GRM7: variants seen among roughly 807,000 people sequenced by gnomAD.
The protein encoded by GRM7 is glutamate metabotropic receptor 7, also known as metabotropic glutamate receptor 7.
Under a neutral mutation model 84.5 loss-of-function variants are expected in GRM7, and 35 were observed. The ratio of observed to expected loss-of-function variants is 0.41; its 90% confidence interval spans 0.32 to 0.55. GRM7 has a LOEUF of 0.55. GRM7 is among the 20% of genes least tolerant of loss of function. GRM7 has a pLI of 0.19. For missense variants in GRM7, 1,003 were observed against 1,194.6 expected, an observed-to-expected ratio of 0.84 and a Z score of 2.36; for synonymous variants, 487 against 455.1, an observed-to-expected ratio of 1.07 and a Z score of -0.89.
At chr3:6,926,908 A>G (rs541306526) in intron 1 of GRM7, among the ~76,000 whole-genome samples, 1 of 152,332 alleles carries the variant, frequency 6.6e-6, no homozygotes, top group South Asian at 2.1e-4. Context: ...ATTTATTATA[A>G]TGAAATTCTA....
Position 7,320,681 on chromosome 3 carries a change from A to AGTGTATGTGTGTGT in GRM7, c.1033+14033_1033+14034insATGTGTGTGTGTGT, listed in dbSNP as rs367833809. On this transcript the variant is annotated intron_variant, in intron 4 of 9. Transcript: ENST00000357716. ...TCCTGAACACCATCAGTGGGTGATC[A>AGTGTATGTGTGTGT]GTGTGTGTGTGTGTGTGTGTGTGTG... is the stretch of plus-strand genomic sequence containing the variant. Among the ~76,000 whole-genome samples, 1,264 of 141,236 alleles carry AGTGTATGTGTGTGT rather than the reference A, an allele frequency of 8.9e-3. 30 individuals are homozygous for AGTGTATGTGTGTGT. Among genetic ancestry groups the AGTGTATGTGTGTGT allele is most frequent in the African/African-American group, 0.03 (1,142 of 38,320 alleles). 92.7% of individuals were successfully genotyped at this position (141,236 alleles called of 152,430 possible).
intron 2 of GRM7, among the ~76,000 whole-genome samples, chr3:7,190,832 T>C (rs1695687046): frequency 6.6e-6 from 1 of 152,096 alleles, no homozygotes; most frequent in Non-Finnish European, 1.5e-5. Context: ...CTCTTGGCAC[T>C]CTCTAGCCAG....
Position 7,356,920 on chromosome 3 carries a change from T to TCACACACACACACACA in GRM7, c.1033+50297_1033+50312dup, listed in dbSNP as rs34481316. On this transcript the variant is annotated intron_variant, in intron 4 of 9. Coordinates refer to ENST00000357716, the MANE Select transcript of GRM7 (RefSeq NM_000844.4). Reference sequence around the variant, plus strand: ...CTATCATGGAACTTTGCCTTTTTGATCACACACACACACACACACACACAC... The same window carrying TCACACACACACACACA: ...CTATCATGGAACTTTGCCTTTTTGATCACACACACACACACACACACACACACACACACACACACAC... Among the ~76,000 whole-genome samples, 174 of 131,280 alleles carry TCACACACACACACACA rather than the reference T, an allele frequency of 1.3e-3. 1 individual carries two copies. Among genetic ancestry groups the TCACACACACACACACA allele is most frequent in the Middle Eastern group, 4.0e-3 (1 of 250 alleles). The allele number at this position is 131,280 out of a possible 152,430, so 86.1% of individuals were successfully genotyped here.
chr3:7,000,704 T>C (rs1694984302), intron 1 of GRM7, among the ~76,000 whole-genome samples: 1 of 152,228 alleles, frequency 6.6e-6, no homozygotes, highest in Non-Finnish European at 1.5e-5. Flanking sequence ...TGATGCACTT[T>C]GGCATTTCTT....
intron 1 of GRM7, among the ~76,000 whole-genome samples, chr3:6,915,157 G>A (rs755515283): frequency 6.6e-6 from 1 of 150,492 alleles, no homozygotes; most frequent in African/African-American, 2.5e-5. Context: ...GTAATAAAGA[G>A]TCACGCTTTT....
chr3:6,874,545 C>T (rs562452370), intron 1 of GRM7, among the ~76,000 whole-genome samples: 88 of 152,254 alleles, frequency 5.8e-4, no homozygotes, highest in African/African-American at 2.0e-3. Flanking sequence ...TTCTCCCACT[C>T]GGGTAGGAAA....
chr3:7,281,277 T>C (rs1429674789), intron 2 of GRM7, among the ~76,000 whole-genome samples: 1 of 152,178 alleles, frequency 6.6e-6, no homozygotes, highest in Non-Finnish European at 1.5e-5. Context: ...TATGTAAATC[T>C]ATTTTTTTTG....
intron 4 of GRM7, among the ~76,000 whole-genome samples, chr3:7,365,078 C>G (rs981333346): frequency 3.3e-5 from 5 of 151,858 alleles, no homozygotes; most frequent in Non-Finnish European, 7.4e-5. Flanking sequence ...ATTTGCCTCT[C>G]AATACCTTTC....
At chr3:7,224,432 T>C (rs1224559365) in intron 2 of GRM7, among the ~76,000 whole-genome samples, 1 of 152,140 alleles carries the variant, frequency 6.6e-6, no homozygotes, top group Non-Finnish European at 1.5e-5. Context: ...ACTTCCAACA[T>C]TGGGGATTAC....
chr3:7,130,222 C>A (rs1192414026), intron 1 of GRM7, among the ~76,000 whole-genome samples: 2 of 152,104 alleles, frequency 1.3e-5, no homozygotes, highest in Admixed American at 6.6e-5. Flanking sequence ...ATTCCCAAGT[C>A]CAGTCGAGAT....
chr3:7,034,798 A>G (rs1346209989), intron 1 of GRM7, among the ~76,000 whole-genome samples: 1 of 152,202 alleles, frequency 6.6e-6, no homozygotes, highest in Admixed American at 6.5e-5. Flanking sequence ...AGCTGGAGTC[A>G]TGTCAATTCC....
intron 1 of GRM7, among the ~76,000 whole-genome samples, chr3:7,129,151 G>A (rs1693506069): frequency 2.0e-5 from 3 of 152,130 alleles, no homozygotes; most frequent in African/African-American, 4.8e-5. Context: ...GGTCATTGTA[G>A]GTGACCCTAA....
At chr3:7,286,879 C>T (rs569485719) in intron 2 of GRM7, among the ~76,000 whole-genome samples, 52 of 152,078 alleles carry the variant, frequency 3.4e-4, no homozygotes, top group Non-Finnish European at 6.3e-4. Flanking sequence ...ATTGAATATG[C>T]CACAAAAGAC....
intron 1 of GRM7, among the ~76,000 whole-genome samples, chr3:7,023,641 G>A (rs908920179): frequency 6.6e-6 from 1 of 152,216 alleles, no homozygotes; most frequent in Non-Finnish European, 1.5e-5. Flanking sequence ...TTCTGAGGGA[G>A]GGTCAGCTTT....
rs1363867766 is a variant in GRM7 at position 6,862,407 on chromosome 3, ATCGAGGGC to A, written c.519+503_519+510del. Among the ~76,000 whole-genome samples, 1 of 152,026 alleles carries A rather than the reference ATCGAGGGC, an allele frequency of 6.6e-6. No homozygotes were observed. Among genetic ancestry groups the A allele is most frequent in the Admixed American group, 6.5e-5 (1 of 15,272 alleles). On this transcript the variant is annotated intron_variant, in intron 1 of 9. Transcript: ENST00000357716. The surrounding 1 kb of genome is among the most constrained non-coding windows in gnomAD (Gnocchi z 5.2). ...ACAGCCTTAAGGAGGCACTTCTTAA[ATCGAGGGC>A]TCCGTCTTAACCTAGATGTGGATGT...
chr3:7,293,598 A>G (rs1287774921), intron 2 of GRM7, among the ~76,000 whole-genome samples: 1 of 152,210 alleles, frequency 6.6e-6, no homozygotes, highest in Admixed American at 6.5e-5. Context: ...CAATTGCAAT[A>G]CCAACGGGCA....
intron 7 of GRM7, among the ~76,000 whole-genome samples, chr3:7,500,220 A>T (rs1376411398): frequency 2.0e-5 from 3 of 152,222 alleles, no homozygotes; most frequent in African/African-American, 7.2e-5. Flanking sequence ...TTTGGTTTTT[A>T]GCTTCCTTTT....
At chr3:7,522,900 A>T (rs2875262) in intron 7 of GRM7, among the ~76,000 whole-genome samples, 1 of 73,602 alleles carries the variant, frequency 1.4e-5, no homozygotes, top group East Asian at 4.9e-4. Flanking sequence ...CAAGGAAACA[A>T]GAGAGAGGTA....
intron 7 of GRM7, among the ~76,000 whole-genome samples, chr3:7,563,677 A>G (rs1312479511): frequency 6.6e-6 from 1 of 152,208 alleles, no homozygotes; most frequent in Non-Finnish European, 1.5e-5. Context: ...TTGTTAGAAG[A>G]GGCCAATGAA....
Sources: gnomAD v4.1 joint callset for allele counts (sites outside exome capture counted in the v4.1 genomes callset) on GRCh38, gnomAD v4.1.1 for gene constraint, Gnocchi (gnomAD v3.1) non-coding constraint, MANE v1.5 for transcripts, NCBI Gene and HGNC (gene_info 2026-07-23, HGNC 2026-07-21) for gene names.